The following NAALADL2 variants were observed in gnomAD, a reference collection of about 807,000 sequenced individuals.
NAALADL2 encodes the protein N-acetylated alpha-linked acidic dipeptidase like 2.
A neutral mutation model predicts 87.2 loss-of-function variants in NAALADL2; 76 were observed. That is an observed-to-expected ratio of 0.87 (90% confidence interval 0.72 to 1.05). The LOEUF (loss-of-function observed/expected upper bound fraction) is 1.05. Ranked by LOEUF, NAALADL2 falls within the 50% of genes least tolerant of loss-of-function variation. The pLI, the probability that NAALADL2 is intolerant of heterozygous loss-of-function variation, is 0.00. For missense variants in NAALADL2, 1,089 were observed against 945.8 expected (o/e 1.15, Z -1.99); for synonymous variants, 354 against 331.0 (o/e 1.07, Z -0.75).
chr3:174,716,797 G>A (rs565712373), intron 2 of NAALADL2, among the ~76,000 whole-genome samples: 18 of 151,744 alleles, frequency 1.2e-4, no homozygotes, highest in Non-Finnish European at 2.4e-4. Flanking sequence ...TGTACAGTTC[G>A]GTATGAAAAA....
chr3:175,650,833 A>T (rs1270823562), intron 11 of NAALADL2, among the ~76,000 whole-genome samples: 1 of 152,192 alleles, frequency 6.6e-6, no homozygotes, highest in Non-Finnish European at 1.5e-5. Context: ...TAGGAAAGGA[A>T]ACATTTAGGG....
chr3:174,726,147 C>G (rs929664380), intron 2 of NAALADL2, among the ~76,000 whole-genome samples: 4 of 152,016 alleles, frequency 2.6e-5, no homozygotes, highest in Non-Finnish European at 5.9e-5. Context: ...CTGTGCCAAC[C>G]CTAATCAGAA....
intron 3 of NAALADL2, among the ~76,000 whole-genome samples, chr3:174,852,758 C>A (rs1484906796): frequency 6.6e-6 from 1 of 152,072 alleles, no homozygotes; most frequent in Admixed American, 6.6e-5. Context: ...ATAGCCAAAG[C>A]TATCCTGATC....
chr3:175,200,380 G>A (rs1427340044), intron 2 of NAALADL2, among the ~76,000 whole-genome samples: 1 of 151,428 alleles, frequency 6.6e-6, no homozygotes, highest in African/African-American at 2.4e-5. Flanking sequence ...TTTTCTTTAA[G>A]CAATCCTGTT....
intron 11 of NAALADL2, among the ~76,000 whole-genome samples, chr3:175,712,531 A>G (rs550115762): frequency 2.6e-5 from 4 of 152,178 alleles, no homozygotes; most frequent in African/African-American, 9.6e-5. Flanking sequence ...CTGAAATCCT[A>G]GTAACTGTAA....
chr3:175,428,360 C>T (rs1305038223), intron 5 of NAALADL2, among the ~76,000 whole-genome samples: 2 of 152,070 alleles, frequency 1.3e-5, no homozygotes, highest in African/African-American at 2.4e-5. Context: ...TAATATATTT[C>T]TCAAAGATTT....
intron 1 of NAALADL2, among the ~76,000 whole-genome samples, chr3:174,526,924 G>T (rs1054885760): frequency 3.9e-5 from 6 of 151,956 alleles, no homozygotes; most frequent in Admixed American, 2.0e-4. Flanking sequence ...TGATCCATCT[G>T]TCTCGCCTCC....
chr3:175,575,747 T>G (rs1718780728), intron 9 of NAALADL2, among the ~76,000 whole-genome samples: 1 of 152,160 alleles, frequency 6.6e-6, no homozygotes, highest in Admixed American at 6.5e-5. Context: ...GAGTTCAAAT[T>G]CAGCTTATGA....
At chr3:175,405,473 C>T (rs562637899) in intron 5 of NAALADL2, among the ~76,000 whole-genome samples, 7 of 151,740 alleles carry the variant, frequency 4.6e-5, no homozygotes, top group East Asian at 3.9e-4. Flanking sequence ...GGTTTATATA[C>T]GATAATTTTT....
intron 1 of NAALADL2, among the ~76,000 whole-genome samples, chr3:174,879,500 G>A (rs539826222): frequency 1.3e-5 from 2 of 152,126 alleles, no homozygotes; most frequent in East Asian, 3.9e-4. Flanking sequence ...TTCCTACGGA[G>A]GTAAATGCCT....
At chr3:175,199,277 T>C (rs994784547) in intron 2 of NAALADL2, among the ~76,000 whole-genome samples, 1 of 152,122 alleles carries the variant, frequency 6.6e-6, no homozygotes, top group Admixed American at 6.6e-5. Flanking sequence ...ACAAGTTGAA[T>C]TGTAGTTAGA....
chr3:175,124,183 G>T (rs1316650586), intron 2 of NAALADL2, among the ~76,000 whole-genome samples: 1 of 151,822 alleles, frequency 6.6e-6, no homozygotes, highest in Non-Finnish European at 1.5e-5. Flanking sequence ...AAGCTATTTG[G>T]GCATGATCAA....
intron 1 of NAALADL2, among the ~76,000 whole-genome samples, chr3:175,095,014 C>G (rs777155662): frequency 6.6e-6 from 1 of 151,998 alleles, no homozygotes; most frequent in African/African-American, 2.4e-5. Flanking sequence ...ATTTCACATA[C>G]GAAGACCCTG....
At chr3:174,815,828 T>C (rs1720717527) in intron 3 of NAALADL2, among the ~76,000 whole-genome samples, 1 of 112,192 alleles carries the variant, frequency 8.9e-6, no homozygotes, top group African/African-American at 4.5e-5. Flanking sequence ...AATTTGACTT[T>C]AGTTTTTTTT....
intron 9 of NAALADL2, among the ~76,000 whole-genome samples, chr3:175,479,018 A>G (rs956814464): frequency 6.6e-5 from 10 of 151,858 alleles, no homozygotes; most frequent in Admixed American, 6.6e-4. Context: ...ATAGTATTTT[A>G]ATGAATAATG....
chr3:175,502,034 C>T (rs1319265722), intron 9 of NAALADL2, among the ~76,000 whole-genome samples: 1 of 151,948 alleles, frequency 6.6e-6, no homozygotes, highest in East Asian at 1.9e-4. Context: ...ACATGAACAG[C>T]AAATCAATGG....
At chr3:175,478,500 A>G (rs928657328) in intron 9 of NAALADL2, among the ~76,000 whole-genome samples, 2 of 151,954 alleles carry the variant, frequency 1.3e-5, no homozygotes, top group Admixed American at 1.3e-4. Context: ...AGATAACAAG[A>G]GAAGTCTTAG....
chr3:174,495,332 T>A (rs1718464087), intron 1 of NAALADL2, among the ~76,000 whole-genome samples: 1 of 150,946 alleles, frequency 6.6e-6, no homozygotes, highest in East Asian at 2.0e-4. Context: ...CAATTCTTCC[T>A]CATTTGGGAA....
Position 175,304,190 on chromosome 3 carries a change from A to G in NAALADL2, c.940-19985A>G, listed in dbSNP as rs554472769. On this transcript the variant is annotated intron_variant, in intron 4 of 13. Transcript: ENST00000454872. The stretch of plus-strand genomic sequence containing the variant: ...AGAAAGGGAAGAGAAATACCACTCC[A>G]TGCAAATTATCTGTCTGGTTTCTTT... Among the ~76,000 whole-genome samples the G allele has an allele frequency of 2.0e-3, 312 of 152,288 alleles. 3 individuals are homozygous for G. Among genetic ancestry groups the G allele is most frequent in the African/African-American group, 7.1e-3 (297 of 41,576 alleles).
Sources: allele counts gnomAD v4.1 joint callset (sites outside exome capture counted in the v4.1 genomes callset), GRCh38; gene constraint gnomAD v4.1.1; transcripts MANE v1.5; gene names NCBI Gene and HGNC (gene_info 2026-07-23, HGNC 2026-07-21).